The following FUT9 variants were observed in gnomAD, a reference collection of about 807,000 sequenced individuals.
The protein encoded by FUT9 is 4-galactosyl-N-acetylglucosaminide 3-alpha-L-fucosyltransferase 9.
Under a neutral mutation model 29.7 loss-of-function variants are expected in FUT9, and 15 were observed. That is an observed-to-expected ratio of 0.51 (90% CI 0.34 to 0.78). The LOEUF is 0.78. Among genes scored for constraint, FUT9 ranks in the 30% least tolerant of loss-of-function variants. FUT9 has a pLI of 0.01. For missense variants in FUT9, 319 were observed against 425.4 expected (o/e 0.75, Z 2.20); for synonymous variants, 169 against 153.7 (o/e 1.10, Z -0.74).
chr6:96,054,249 A>G (rs1216801307), intron 1 of FUT9, among the ~76,000 whole-genome samples: 1 of 152,178 alleles, frequency 6.6e-6, no homozygotes, highest in African/African-American at 2.4e-5. Context: ...TATTGTGCCC[A>G]GTGCTGGGGT....
At chr6:96,055,652 A>T (rs527703496) in intron 1 of FUT9, among the ~76,000 whole-genome samples, 6 of 151,172 alleles carry the variant, frequency 4.0e-5, no homozygotes, top group Middle Eastern at 3.4e-3. Context: ...TCAGTTACAC[A>T]GACTATAGAT....
chr6:96,112,658 G>A (rs1362821845), intron 1 of FUT9, among the ~76,000 whole-genome samples: 1 of 152,214 alleles, frequency 6.6e-6, no homozygotes, highest in Non-Finnish European at 1.5e-5. Context: ...TTGTTTGTGT[G>A]TGTGCGCAAG....
At chr6:96,194,524 G>A (rs1301408220) in intron 2 of FUT9, among the ~76,000 whole-genome samples, 1 of 152,096 alleles carries the variant, frequency 6.6e-6, no homozygotes, top group Non-Finnish European at 1.5e-5. Flanking sequence ...CTAATATAAG[G>A]AATATTTAGG....
chr6:96,207,325 G>A lies in FUT9; in HGVS notation c.*3090G>A, dbSNP rs148386293. The A allele has an allele frequency of 8.6e-3, 1,441 of 166,670 alleles. 13 individuals carry two copies. Among genetic ancestry groups the A allele is most frequent in the Non-Finnish European group, 9.9e-3 (672 of 68,012 alleles). The allele number at this position is 166,670 out of a possible 1,614,324, so 10.3% of individuals were successfully genotyped here. A position where few individuals can be genotyped will look rare whatever the true frequency, so the allele number is the denominator to read the frequency against. ...TCTTTATCCCACTTTCTTTTCAATC[G>A]CATTCATAACTTATTATAGAATTAT... On this transcript the variant is annotated 3_prime_UTR_variant, in exon 3 of 3. Transcript: ENST00000302103.
At chr6:96,181,010 ATAGT>A (rs889526877) in intron 2 of FUT9, among the ~76,000 whole-genome samples, 2 of 152,006 alleles carry the variant, frequency 1.3e-5, no homozygotes, top group East Asian at 1.9e-4. Context: ...AATAACATAC[ATAGT>A]TAGTCATTGA....
chr6:96,067,575 G>A (rs1186852532), intron 1 of FUT9, among the ~76,000 whole-genome samples: 2 of 152,090 alleles, frequency 1.3e-5, no homozygotes, highest in Non-Finnish European at 2.9e-5. Flanking sequence ...TAGAGGTGAT[G>A]AGAAGGGCAT....
chr6:96,069,994 GA>G (rs1247317054), intron 1 of FUT9, among the ~76,000 whole-genome samples: 6 of 151,608 alleles, frequency 4.0e-5, no homozygotes, highest in East Asian at 1.9e-4. Context: ...AGAGATCAAA[GA>G]AAAAAATATA....
intron 1 of FUT9, among the ~76,000 whole-genome samples, chr6:96,065,086 A>G (rs1464995896): frequency 6.6e-6 from 1 of 152,184 alleles, no homozygotes; most frequent in Non-Finnish European, 1.5e-5. Context: ...AATGATTAGT[A>G]GAAAGAACAC....
At chr6:96,079,790 C>T (rs1351664489) in intron 1 of FUT9, among the ~76,000 whole-genome samples, 1 of 152,022 alleles carries the variant, frequency 6.6e-6, no homozygotes, top group Non-Finnish European at 1.5e-5. Context: ...AAGAACTCTA[C>T]TACAATGTTA....
chr6:96,079,116 T>C (rs975191136), intron 1 of FUT9, among the ~76,000 whole-genome samples: 1 of 152,166 alleles, frequency 6.6e-6, no homozygotes, highest in African/African-American at 2.4e-5. Context: ...AGAGGCACCA[T>C]GTTTTAATTT....
chr6:96,043,710 G>A (rs954168478), intron 1 of FUT9, among the ~76,000 whole-genome samples: 1 of 152,124 alleles, frequency 6.6e-6, no homozygotes, highest in African/African-American at 2.4e-5. Flanking sequence ...TTTAATAGTT[G>A]GAAAGAATGC....
At chr6:96,067,288 G>A (rs183757214) in intron 1 of FUT9, among the ~76,000 whole-genome samples, 1 of 151,924 alleles carries the variant, frequency 6.6e-6, no homozygotes, top group East Asian at 1.9e-4. Context: ...GGGAACATAT[G>A]TTTGAGGTAG....
At chr6:96,188,630 G>T (rs1253574582) in intron 2 of FUT9, among the ~76,000 whole-genome samples, 2 of 59,690 alleles carry the variant, frequency 3.4e-5, no homozygotes, top group South Asian at 9.9e-4. Context: ...CATATAGAAA[G>T]AAATATATAT....
rs80112371 is a variant in FUT9, at chr6:96,215,196, G to A, written c.*10961G>A. 1.6e-3 allele frequency: 266 copies of A among 167,082 alleles called. 2 individuals are homozygous for A. The highest frequency in any genetic ancestry group is 0.016 in the East Asian group (82 of 5,188). The allele number at this position is 167,082 out of a possible 1,614,324, so 10.3% of individuals were successfully genotyped here. A position where few individuals can be genotyped will look rare whatever the true frequency, so the allele number is the denominator to read the frequency against. On this transcript the variant is annotated 3_prime_UTR_variant, in exon 3 of 3. Coordinates refer to ENST00000302103, the MANE Select transcript of FUT9 (RefSeq NM_006581.4). ...AAAGGCAAGATGCCAGAGAAAATCT[G>A]TATATTCAGCTATTTGGAGAACTCG...
At chr6:96,202,322 T>A (rs1474390385) in intron 2 of FUT9, among the ~76,000 whole-genome samples, 3 of 152,152 alleles carry the variant, frequency 2.0e-5, no homozygotes, top group Non-Finnish European at 4.4e-5. Flanking sequence ...ATTTGTTTAT[T>A]TTTATAATAC....
intron 1 of FUT9, among the ~76,000 whole-genome samples, chr6:96,082,198 T>C (rs1771248325): frequency 6.6e-6 from 1 of 151,902 alleles, no homozygotes; most frequent in East Asian, 1.9e-4. Flanking sequence ...GAGTTTGGAT[T>C]TTTTTTATTA....
intron 1 of FUT9, among the ~76,000 whole-genome samples, chr6:96,095,476 A>G (rs1273056038): frequency 6.6e-6 from 1 of 152,142 alleles, no homozygotes; most frequent in Non-Finnish European, 1.5e-5. Flanking sequence ...AACAGCTGCT[A>G]CATTAATGAA....
intron 2 of FUT9, among the ~76,000 whole-genome samples, chr6:96,126,489 C>T (rs1582251451): frequency 6.6e-6 from 1 of 152,206 alleles, no homozygotes; most frequent in East Asian, 1.9e-4. Context: ...TTCTTTGCTT[C>T]CCTAAAGTTC....
chr6:96,184,904 G>A (rs4530868), intron 2 of FUT9, among the ~76,000 whole-genome samples: 1 of 151,964 alleles, frequency 6.6e-6, no homozygotes, highest in Non-Finnish European at 1.5e-5. Context: ...TCAAAGTTTA[G>A]GTTTGTTTAC....
Sources: allele counts gnomAD v4.1 joint callset (sites outside exome capture counted in the v4.1 genomes callset), GRCh38; gene constraint gnomAD v4.1.1; transcripts MANE v1.5; gene names NCBI Gene and HGNC (gene_info 2026-07-23, HGNC 2026-07-21).